GPM6A: variants seen among roughly 807,000 people sequenced by gnomAD.
GPM6A encodes neuronal membrane glycoprotein M6-a.
A neutral mutation model predicts 32.1 loss-of-function variants in GPM6A; 7 were observed. That is an observed-to-expected ratio of 0.22 (90% confidence interval 0.12 to 0.41). GPM6A has a LOEUF of 0.41. Ranked by LOEUF, GPM6A falls within the 10% of genes least tolerant of loss-of-function variation. The probability of loss-of-function intolerance (pLI) is 1.00; values close to 1 mark genes in which losing one functional copy is unlikely to be tolerated. For missense variants in GPM6A, 235 were observed against 347.2 expected, an observed-to-expected ratio of 0.68 and a Z score of 2.57; for synonymous variants, 130 against 123.4, an observed-to-expected ratio of 1.05 and a Z score of -0.35.
Position 175,714,316 on chromosome 4 carries a change from T to C in GPM6A, c.38-12549A>G, listed in dbSNP as rs543247119. ...AAACAACATATACAGTTTATAACTA[T>C]ATCAACAAGAATTTTTTTAACAGTT... On this transcript the variant is annotated intron_variant, in intron 1 of 6. Transcript: ENST00000393658. 4.6e-5 allele frequency among the ~76,000 whole-genome samples: 7 copies of C among 152,342 alleles called. No homozygotes were observed. In the South Asian group the frequency reaches 1.4e-3, roughly 32 times the overall value.
chr4:175,658,494 G>A (rs1196130805), intron 3 of GPM6A, among the ~76,000 whole-genome samples: 1 of 152,140 alleles, frequency 6.6e-6, no homozygotes, highest in Non-Finnish European at 1.5e-5. Context: ...AAGTATAATG[G>A]TGGATACGTG....
chr4:175,679,066 A>G (rs764452322), intron 2 of GPM6A, among the ~76,000 whole-genome samples: 4 of 151,948 alleles, frequency 2.6e-5, no homozygotes, highest in Non-Finnish European at 5.9e-5. Context: ...TCATCAACCA[A>G]CTCAATGATG....
chr4:175,916,615 G>C (rs962347239), intron 1 of GPM6A, among the ~76,000 whole-genome samples: 1 of 152,220 alleles, frequency 6.6e-6, no homozygotes, highest in African/African-American at 2.4e-5. Context: ...GGGCATCCCT[G>C]TGAGAGAAAA....
intron 1 of GPM6A, among the ~76,000 whole-genome samples, chr4:175,898,886 A>G (rs557717773): frequency 2.0e-5 from 3 of 152,292 alleles, no homozygotes; most frequent in Admixed American, 6.5e-5. Context: ...TCGATTACTC[A>G]TTCTTCAACA....
intron 2 of GPM6A, among the ~76,000 whole-genome samples, chr4:175,692,203 A>C (rs975952536): frequency 6.6e-6 from 1 of 152,200 alleles, no homozygotes; most frequent in Admixed American, 6.6e-5. Context: ...GGCAATAATG[A>C]TAATATTATG....
intron 1 of GPM6A, among the ~76,000 whole-genome samples, chr4:175,810,024 T>C (rs1472199469): frequency 2.6e-5 from 4 of 152,192 alleles, no homozygotes; most frequent in Non-Finnish European, 5.9e-5. Context: ...GAATTATTGT[T>C]TAAGAAAATC....
chr4:175,813,004 T>C, upstream of GPM6A: 1 of 984,634 alleles, frequency 1.0e-6, no homozygotes, highest in Non-Finnish European at 1.2e-6. Context: ...GTCAAAGGAG[T>C]GAGTATAAAG....
intron 1 of GPM6A, among the ~76,000 whole-genome samples, chr4:175,796,306 G>A (rs1175928406): frequency 1.3e-5 from 2 of 152,028 alleles, no homozygotes; most frequent in Non-Finnish European, 2.9e-5. Flanking sequence ...ACAAGGAGGC[G>A]ATATAACATG....
Position 175,736,438 on chromosome 4 carries a change from A to T in GPM6A, c.38-34671T>A, listed in dbSNP as rs570684803. ...ACCTGTTTTAAAGAATGACCACCTC[A>T]TTACCAAGTTATTTTATCTTTGTGC... On this transcript the variant is annotated intron_variant, in intron 1 of 6. Coordinates refer to ENST00000393658, the MANE Select transcript of GPM6A (RefSeq NM_201591.3). 9.8e-5 allele frequency among the ~76,000 whole-genome samples: 15 copies of T among 152,362 alleles called. No individual in the cohort carries two copies. In the South Asian group the frequency reaches 3.1e-3, roughly 32 times the overall value.
intron 1 of GPM6A, among the ~76,000 whole-genome samples, chr4:175,837,240 C>A (rs1279004030): frequency 6.6e-6 from 1 of 152,122 alleles, no homozygotes; most frequent in Admixed American, 6.5e-5. Flanking sequence ...GGCAAGAGAA[C>A]AGATTCTCTC....
intron 1 of GPM6A, among the ~76,000 whole-genome samples, chr4:175,894,762 C>G (rs1043175061): frequency 6.6e-6 from 1 of 152,084 alleles, no homozygotes; most frequent in Non-Finnish European, 1.5e-5. Flanking sequence ...TTCAAACACA[C>G]TCTAGTATCA....
At chr4:175,763,634 G>A (rs1172970244) in intron 1 of GPM6A, among the ~76,000 whole-genome samples, 1 of 151,886 alleles carries the variant, frequency 6.6e-6, no homozygotes, top group Non-Finnish European at 1.5e-5. Flanking sequence ...TTTAATAGTA[G>A]GCTCTTTACT....
intron 1 of GPM6A, among the ~76,000 whole-genome samples, chr4:175,756,791 C>A (rs1313975112): frequency 6.6e-6 from 1 of 152,052 alleles, no homozygotes; most frequent in African/African-American, 2.4e-5. Flanking sequence ...TAAAAATACT[C>A]TAGGTGATAA....
chr4:175,724,332 G>A (rs186279521), intron 1 of GPM6A, among the ~76,000 whole-genome samples: 12 of 152,294 alleles, frequency 7.9e-5, no homozygotes, highest in Admixed American at 5.9e-4. Context: ...ATCACCTGAC[G>A]TCAGGAGTTC....
intron 1 of GPM6A, among the ~76,000 whole-genome samples, chr4:175,952,537 A>AT (rs1355802943): frequency 2.6e-5 from 4 of 152,278 alleles, no homozygotes; most frequent in Non-Finnish European, 2.9e-5. Flanking sequence ...TGTAAGAAAA[A>AT]ATTTTAAATT....
chr4:175,705,499 A>G (rs1234324044), intron 1 of GPM6A, among the ~76,000 whole-genome samples: 1 of 152,162 alleles, frequency 6.6e-6, no homozygotes. Flanking sequence ...ATTCGTTTTA[A>G]AAGAAGACTC....
At chr4:175,915,083 A>G (rs1738448650) in intron 1 of GPM6A, among the ~76,000 whole-genome samples, 1 of 152,230 alleles carries the variant, frequency 6.6e-6, no homozygotes, top group African/African-American at 2.4e-5. Flanking sequence ...AATACACAAA[A>G]TAAAACCACA....
At chr4:175,690,932 A>G (rs1443711660) in intron 2 of GPM6A, among the ~76,000 whole-genome samples, 1 of 152,220 alleles carries the variant, frequency 6.6e-6, no homozygotes, top group Non-Finnish European at 1.5e-5. Context: ...GTTTTTCTTC[A>G]AACAATGTGG....
intron 1 of GPM6A, among the ~76,000 whole-genome samples, chr4:175,784,175 T>TC (rs1407326130): frequency 6.6e-6 from 1 of 151,992 alleles, no homozygotes; most frequent in Non-Finnish European, 1.5e-5. Flanking sequence ...GTCCTAGTCT[T>TC]CCCCCAAATC....
Sources: allele counts gnomAD v4.1 joint callset (sites outside exome capture counted in the v4.1 genomes callset), GRCh38; gene constraint gnomAD v4.1.1; transcripts MANE v1.5; gene names NCBI Gene and HGNC (gene_info 2026-07-23, HGNC 2026-07-21).